The following RBFOX1 variants were observed in gnomAD, a reference collection of about 807,000 sequenced individuals.
RBFOX1 encodes the protein RNA binding protein fox-1 homolog 1.
A neutral mutation model predicts 57.7 loss-of-function variants in RBFOX1; 8 were observed. That is an observed-to-expected ratio of 0.14 (90% confidence interval 0.08 to 0.25). The LOEUF (loss-of-function observed/expected upper bound fraction) is 0.25, where lower values mean the gene tolerates loss of function less well. Ranked by LOEUF, RBFOX1 falls within the 10% of genes least tolerant of loss-of-function variation. The pLI is 1.00. For missense variants in RBFOX1, 611 were observed against 548.5 expected, an observed-to-expected ratio of 1.11 and a Z score of -1.14; for synonymous variants, 326 against 222.4, an observed-to-expected ratio of 1.47 and a Z score of -4.15.
At chr16:6,146,064 T>C (rs1342202915) in intron 1 of RBFOX1, among the ~76,000 whole-genome samples, 1 of 152,196 alleles carries the variant, frequency 6.6e-6, no homozygotes, top group Non-Finnish European at 1.5e-5. Context: ...TGGCTTTACA[T>C]GGGGATCCAA....
At chr16:6,916,287 A>T (rs2153444937) in intron 3 of RBFOX1, among the ~76,000 whole-genome samples, 1 of 152,280 alleles carries the variant, frequency 6.6e-6, no homozygotes, top group Non-Finnish European at 1.5e-5. Flanking sequence ...TTTCCACAGG[A>T]TACCATAGTT....
Position 7,506,184 on chromosome 16 carries a change from CAAAAAAAAAAAAAA to C in RBFOX1, c.28-11943_28-11930del, listed in dbSNP as rs552568132. ...TGGGTGACAGAGCAAGACTCTGTCTCAAAAAAAAAAAAAAAAAAAAAAAAAAAAAAAAATTTCTG... is the reference window on the plus strand; with the variant it reads ...TGGGTGACAGAGCAAGACTCTGTCTCAAAAAAAAAAAAAAAAAAATTTCTG... On this transcript the variant is annotated intron_variant, in intron 4 of 15. Coordinates refer to ENST00000550418, the MANE Select transcript of RBFOX1 (RefSeq NM_018723.4). 4.2e-3 allele frequency among the ~76,000 whole-genome samples: 208 copies of C among 49,978 alleles called. 2 individuals carry two copies. The highest frequency in any genetic ancestry group is 4.3e-3 in the Non-Finnish European group (127 of 29,404). 32.8% of individuals were successfully genotyped at this position (49,978 alleles called of 152,430 possible).
chr16:6,124,527 C>T (rs1161060428), intron 1 of RBFOX1, among the ~76,000 whole-genome samples: 1 of 151,972 alleles, frequency 6.6e-6, no homozygotes, highest in Non-Finnish European at 1.5e-5. Flanking sequence ...TTTTTTGAGA[C>T]AGTCTCCCTC....
chr16:6,363,241 G>T (rs11860999), intron 2 of RBFOX1, among the ~76,000 whole-genome samples: 4 of 151,826 alleles, frequency 2.6e-5, no homozygotes, highest in African/African-American at 9.7e-5. Context: ...GTGGCCTTCC[G>T]TTGTGTAGTA....
At chr16:6,679,439 C>A (rs536099537) in intron 3 of RBFOX1, among the ~76,000 whole-genome samples, 3 of 152,020 alleles carry the variant, frequency 2.0e-5, no homozygotes, top group African/African-American at 7.2e-5. Context: ...TGCAGTGCCT[C>A]GTTTCTTGGT....
At chr16:5,662,620 TTTTC>T (rs1317706357) in intron 3 of RBFOX1, among the ~76,000 whole-genome samples, 1 of 152,194 alleles carries the variant, frequency 6.6e-6, no homozygotes, top group Non-Finnish European at 1.5e-5. Context: ...TATGACAATT[TTTTC>T]TTTCTTTAAA....
At chr16:6,813,082 A>G (rs74007093) in intron 3 of RBFOX1, among the ~76,000 whole-genome samples, 10,904 of 152,040 alleles carry the variant, frequency 0.072, 521 homozygotes, top group African/African-American at 0.12. Context: ...GAAGAAAACC[A>G]TGAATATATT....
intron 3 of RBFOX1, among the ~76,000 whole-genome samples, chr16:5,741,094 C>A (rs1287798958): frequency 2.0e-5 from 3 of 152,142 alleles, no homozygotes; most frequent in Non-Finnish European, 4.4e-5. Context: ...AGTCACTGGT[C>A]CAAGGTCACA....
chr16:6,725,523 C>G (rs1249714941), intron 3 of RBFOX1, among the ~76,000 whole-genome samples: 1 of 152,094 alleles, frequency 6.6e-6, no homozygotes, highest in Non-Finnish European at 1.5e-5. Flanking sequence ...TTGCCCACCC[C>G]TTTCCTGGAA....
chr16:6,829,372 C>G (rs1171267778), intron 3 of RBFOX1, among the ~76,000 whole-genome samples: 1 of 150,438 alleles, frequency 6.6e-6, no homozygotes, highest in Non-Finnish European at 1.5e-5. Context: ...TGTACACACA[C>G]ATACATACAC....
chr16:7,126,457 AG>A, intron 4 of RBFOX1: 1 of 229,034 alleles, frequency 4.4e-6, no homozygotes, highest in Non-Finnish European at 9.1e-6. Context: ...GGAAGCACAA[AG>A]GCATCGAAGA....
At position 6,407,366 on chromosome 16, in the gene RBFOX1, T is replaced by G. The variant is rs572494756; in HGVS notation, c.-64+90309T>G. 2.3e-3 allele frequency among the ~76,000 whole-genome samples: 344 copies of G among 152,316 alleles called. 6 individuals carry two copies. Among genetic ancestry groups the G allele is most frequent in the South Asian group, 3.3e-3 (16 of 4,822 alleles). ...CTATATGTCTATGTATATATCTATA[T>G]CTATATCTTTACCTATACCTATATG... On this transcript the variant is annotated intron_variant, in intron 2 of 15. Transcript: ENST00000550418.
At chr16:6,865,660 C>T (rs1221257475) in intron 3 of RBFOX1, among the ~76,000 whole-genome samples, 3 of 152,112 alleles carry the variant, frequency 2.0e-5, no homozygotes, top group South Asian at 2.1e-4. Flanking sequence ...GTGATGACAA[C>T]GTAGTAATCC....
At chr16:5,553,052 T>C (rs2045525240) in intron 2 of RBFOX1, among the ~76,000 whole-genome samples, 1 of 152,110 alleles carries the variant, frequency 6.6e-6, no homozygotes, top group Admixed American at 6.5e-5. Flanking sequence ...AAACACCGCA[T>C]GTTCTCATTC....
chr16:5,714,587 GT>G (rs1386125054), intron 3 of RBFOX1, among the ~76,000 whole-genome samples: 1 of 152,230 alleles, frequency 6.6e-6, no homozygotes, highest in African/African-American at 2.4e-5. Context: ...AGGTTGTGGT[GT>G]TTGTTATACA....
chr16:5,991,501 G>C (rs554696666), intron 4 of RBFOX1, among the ~76,000 whole-genome samples: 1 of 152,114 alleles, frequency 6.6e-6, no homozygotes, highest in Non-Finnish European at 1.5e-5. Flanking sequence ...AGACCTTTAC[G>C]GAAGTATTAT....
In RBFOX1 at chr16:5,590,074, C is replaced by CAAA. The variant is rs573866730; in HGVS notation, c.259-8827_259-8826insAAA. 6.6e-3 allele frequency among the ~76,000 whole-genome samples: 649 copies of CAAA among 97,710 alleles called. 5 individuals are homozygous for CAAA. The highest frequency in any genetic ancestry group is 0.013 in the Middle Eastern group (2 of 158). 64.1% of individuals were successfully genotyped at this position (97,710 alleles called of 152,430 possible). A position where few individuals can be genotyped will look rare whatever the true frequency, so the allele number is the denominator to read the frequency against. On this transcript the variant is annotated intron_variant, in intron 2 of 2. Coordinates refer to the RBFOX1 transcript ENST00000585867. The stretch of plus-strand genomic sequence containing the variant: ...ACACACACACACACACACACACACA[C>CAAA]ACAAAAAGGGCAGCAGGTGTTATTT...
intron 1 of RBFOX1, among the ~76,000 whole-genome samples, chr16:6,089,025 G>A (rs928261188): frequency 6.6e-6 from 1 of 150,852 alleles, no homozygotes; most frequent in Non-Finnish European, 1.5e-5. Context: ...GAACCCAGGA[G>A]GCGGAGGTTG....
chr16:6,742,854 G>C (rs749043395), intron 3 of RBFOX1, among the ~76,000 whole-genome samples: 1 of 152,112 alleles, frequency 6.6e-6, no homozygotes, highest in Non-Finnish European at 1.5e-5. Flanking sequence ...AACTATAAAG[G>C]TACAGCATGA....
Sources: allele counts gnomAD v4.1 joint callset (sites outside exome capture counted in the v4.1 genomes callset), GRCh38; gene constraint gnomAD v4.1.1; transcripts MANE v1.5; gene names NCBI Gene and HGNC (gene_info 2026-07-23, HGNC 2026-07-21).